SLC5A8: variants seen among roughly 807,000 people sequenced by gnomAD.
The protein encoded by SLC5A8 is solute carrier family 5 member 8.
SLC5A8 carries 55 observed loss-of-function variants against 71.9 expected under a neutral mutation model. The ratio of observed to expected loss-of-function variants is 0.77; its 90% CI spans 0.62 to 0.96. The LOEUF (loss-of-function observed/expected upper bound fraction) is 0.96, where lower values mean the gene tolerates loss of function less well. Ranked by LOEUF, SLC5A8 falls within the 40% of genes least tolerant of loss-of-function variation. SLC5A8 has a pLI of 0.00. For synonymous variants in SLC5A8, 307 were observed against 276.1 expected, an observed-to-expected ratio of 1.11 and a Z score of -1.11; for missense variants, 701 against 745.3, an observed-to-expected ratio of 0.94 and a Z score of 0.69.
At chr12:101,200,536 T>C (rs903294432) in intron 3 of SLC5A8, among the ~76,000 whole-genome samples, 15 of 152,196 alleles carry the variant, frequency 9.9e-5, no homozygotes, top group Non-Finnish European at 5.9e-5. Context: ...CTTATTTGGA[T>C]CCTGATTCTT....
chr12:101,209,338 T>A (rs1869812166), intron 1 of SLC5A8, among the ~76,000 whole-genome samples, 160 bp downstream of exon 1: 1 of 151,892 alleles, frequency 6.6e-6, no homozygotes, highest in Non-Finnish European at 1.5e-5. Flanking sequence ...CAGGTGAAGA[T>A]CGGGGGACGG....
At chr12:101,162,208 C>A in intron 12 of SLC5A8, 131 bp from the exon 13 acceptor site, 1 of 625,516 alleles carries the variant, frequency 1.6e-6, no homozygotes. Context: ...AACCTGCTGT[C>A]CTAATTTTAT....
chr12:101,192,249 T>C (rs1868945811), intron 5 of SLC5A8, among the ~76,000 whole-genome samples: 1 of 152,206 alleles, frequency 6.6e-6, no homozygotes, highest in Non-Finnish European at 1.5e-5. Flanking sequence ...AATCTTGAGC[T>C]AAAAGAAGGA....
chr12:101,186,280 A>G (rs530728935), intron 7 of SLC5A8, among the ~76,000 whole-genome samples: 1 of 152,238 alleles, frequency 6.6e-6, no homozygotes, highest in Admixed American at 6.5e-5. Flanking sequence ...CTGAGAGAAC[A>G]GAGAGGGTGT....
intron 13 of SLC5A8, among the ~76,000 whole-genome samples, chr12:101,158,594 C>CTATATATATATA (rs1566303459): frequency 4.7e-4 from 10 of 21,300 alleles, no homozygotes; most frequent in Non-Finnish European, 5.5e-4. Flanking sequence ...CTCTCTCTCT[C>CTATATATATATA]TCTCTATATA....
Position 101,209,666 on chromosome 12 carries a change from GAGGGACAGCGCC to G in SLC5A8, c.171_182del (p.Ala58_Leu61del), listed in dbSNP as rs1869834753. ...TGACGGCTGACATGAAGCTAGCGGTGAGGGACAGCGCCACGGGCACTGCGGTCATTCTGCGGC... is the reference window on the plus strand; with the variant it reads ...TGACGGCTGACATGAAGCTAGCGGTGACGGGCACTGCGGTCATTCTGCGGC... On this transcript the variant is annotated inframe_deletion, in exon 1 of 15. Transcript: ENST00000536262. 3 of 1,613,748 alleles carry G rather than the reference GAGGGACAGCGCC, an allele frequency of 1.9e-6. No homozygotes were observed. The highest frequency in any genetic ancestry group is 2.2e-5 in the South Asian group (2 of 91,090).
At chr12:101,195,994 C>T (rs547932847) in intron 3 of SLC5A8, among the ~76,000 whole-genome samples, 8 of 151,980 alleles carry the variant, frequency 5.3e-5, no homozygotes, top group African/African-American at 1.7e-4. Context: ...CGCGCCTGGC[C>T]GGTAATGCTT....
intron 3 of SLC5A8, among the ~76,000 whole-genome samples, chr12:101,200,210 T>C (rs114041396): frequency 6.6e-6 from 1 of 151,486 alleles, no homozygotes; most frequent in Non-Finnish European, 1.5e-5. Context: ...ACTCAGAAAA[T>C]GATTTCTTGG....
intron 10 of SLC5A8, among the ~76,000 whole-genome samples, chr12:101,174,089 C>A (rs1468047133): frequency 6.6e-6 from 1 of 152,196 alleles, no homozygotes; most frequent in Non-Finnish European, 1.5e-5. Context: ...AGACACACTA[C>A]GGAGTGTTCC....
At chr12:101,166,013 A>G (rs2137125120) in intron 12 of SLC5A8, among the ~76,000 whole-genome samples, 1 of 152,336 alleles carries the variant, frequency 6.6e-6, no homozygotes, top group Non-Finnish European at 1.5e-5. Context: ...TAGCATGAAG[A>G]TCACAGCTGC....
intron 9 of SLC5A8, among the ~76,000 whole-genome samples, chr12:101,181,644 A>G (rs776513227): frequency 2.0e-5 from 3 of 152,220 alleles, no homozygotes; most frequent in Non-Finnish European, 2.9e-5. Context: ...CAGCTAGTAA[A>G]TTAACAAAGC....
chr12:101,162,499 C>T (rs2051733259), intron 12 of SLC5A8, among the ~76,000 whole-genome samples: 1 of 152,134 alleles, frequency 6.6e-6, no homozygotes, highest in South Asian at 2.1e-4. Flanking sequence ...ACCTAGGTGC[C>T]CATCAATGGT....
chr12:101,202,221 G>A lies in SLC5A8; in HGVS notation c.418-6C>T. ...ACAATTCCAGTATACAGAATCTAGG[G>A]GGGAGAAAGAAAGCCAAATGAATTA... On this transcript the variant is annotated splice_region_variant and splice_polypyrimidine_tract_variant and intron_variant, in intron 2 of 14. Coordinates refer to ENST00000536262, the MANE Select transcript of SLC5A8 (RefSeq NM_145913.5). 1.3e-6 allele frequency: 2 copies of A among 1,562,480 alleles called. No individual in the cohort carries two copies. Among genetic ancestry groups the A allele is most frequent in the African/African-American group, 1.4e-5 (1 of 71,130 alleles).
intron 12 of SLC5A8, among the ~76,000 whole-genome samples, chr12:101,162,458 C>G (rs1187886348): frequency 6.6e-6 from 1 of 152,166 alleles, no homozygotes; most frequent in Non-Finnish European, 1.5e-5. Flanking sequence ...TTCATCGCAG[C>G]ACTATTCCCA....
At chr12:101,186,689 A>G (rs1868658530) in intron 7 of SLC5A8, among the ~76,000 whole-genome samples, 1 of 152,222 alleles carries the variant, frequency 6.6e-6, no homozygotes, top group Admixed American at 6.5e-5. Flanking sequence ...GCAGATAATC[A>G]TAGAACCTAC....
intron 4 of SLC5A8, among the ~76,000 whole-genome samples, chr12:101,194,165 G>A (rs918625608): frequency 2.0e-5 from 3 of 152,180 alleles, no homozygotes; most frequent in Non-Finnish European, 4.4e-5. Context: ...CCTACAGGCA[G>A]AGGTGATATT....
rs1302648416 is a variant in SLC5A8, at chr12:101,155,823, A to G, written c.*1456T>C. On this transcript the variant is annotated 3_prime_UTR_variant, in exon 15 of 15. Transcript: ENST00000536262. ...CTTTTTTTTTTTTTTAAATTTCTTAACATTGTCAGTTAGCAACCTCTAAAT... is the reference window on the plus strand; with the variant it reads ...CTTTTTTTTTTTTTTAAATTTCTTAGCATTGTCAGTTAGCAACCTCTAAAT... The G allele has an allele frequency of 6.6e-6, 1 of 150,632 alleles. No homozygotes were observed. Among genetic ancestry groups the G allele is most frequent in the Admixed American group, 6.6e-5 (1 of 15,106 alleles). 9.3% of individuals were successfully genotyped at this position (150,632 alleles called of 1,614,324 possible).
chr12:101,169,230 C>T lies in SLC5A8; in HGVS notation c.1234-1048G>A, dbSNP rs142728711. Among the ~76,000 whole-genome samples, 175 of 152,062 alleles carry T rather than the reference C, an allele frequency of 1.2e-3. 1 individual carries two copies. The highest frequency in any genetic ancestry group is 0.01 in the Middle Eastern group (3 of 292). ...CAGTTTTGGAGACATAACAAAGACA[C>T]CCAAAAAAGATTACAAGAGGAAATA... On this transcript the variant is annotated intron_variant, in intron 10 of 14. Transcript: ENST00000536262.
intron 1 of SLC5A8, among the ~76,000 whole-genome samples, 162 bp downstream of exon 1, chr12:101,209,336 G>C (rs901494711): frequency 6.6e-6 from 1 of 152,100 alleles, no homozygotes; most frequent in Admixed American, 6.5e-5. Context: ...GCCAGGTGAA[G>C]ATCGGGGGAC....
Sources: allele counts gnomAD v4.1 joint callset (sites outside exome capture counted in the v4.1 genomes callset), GRCh38; gene constraint gnomAD v4.1.1; transcripts MANE v1.5; gene names NCBI Gene and HGNC (gene_info 2026-07-23, HGNC 2026-07-21).